The following CDKL5 variants were observed in gnomAD, a reference collection of about 807,000 sequenced individuals.
CDKL5 encodes the protein cyclin-dependent kinase-like 5.
CDKL5 carries 8 observed loss-of-function variants against 61.7 expected under a neutral mutation model. The ratio of observed to expected loss-of-function variants is 0.13; its 90% CI spans 0.08 to 0.23. The LOEUF (loss-of-function observed/expected upper bound fraction) is 0.23, where lower values mean the gene tolerates loss of function less well. Among genes scored for constraint, CDKL5 ranks in the 10% least tolerant of loss-of-function variants. The pLI is 1.00. For missense variants in CDKL5, 440 were observed against 734.5 expected (o/e 0.60, Z 4.63); for synonymous variants, 275 against 272.3 (o/e 1.01, Z -0.10).
chrX:18,618,012 T>C (rs1030294696), intron 15 of CDKL5, among the ~76,000 whole-genome samples: 4 of 112,244 alleles, frequency 3.6e-5, no homozygotes, highest in Non-Finnish European at 5.6e-5. Flanking sequence ...CACCGTTTCA[T>C]CCTGCATAGA....
Position 18,567,741 on chromosome X carries a change from C to T in CDKL5, c.145+3219C>T, listed in dbSNP as rs760130556. On this transcript the variant is annotated intron_variant, in intron 4 of 17. Coordinates refer to ENST00000623535, the MANE Select transcript of CDKL5 (RefSeq NM_001323289.2). ...ACAAAAAATTTTTAAAAAAATTAGC[C>T]AGGCATGGTGGTGTGTGCCTGTAAT... Among the ~76,000 whole-genome samples, 5 of 111,371 alleles carry T rather than the reference C, an allele frequency of 4.5e-5. No individual in the cohort carries two copies. In the South Asian group the frequency reaches 1.9e-3, roughly 42 times the overall value.
At chrX:18,514,939 T>C (rs1189157133) in intron 3 of CDKL5, among the ~76,000 whole-genome samples, 2 of 109,651 alleles carry the variant, frequency 1.8e-5, no homozygotes, top group African/African-American at 6.6e-5. Flanking sequence ...TCTGGGACTA[T>C]AGGCGCGCAC....
chrX:18,562,658 G>C (rs1212837269), intron 3 of CDKL5, among the ~76,000 whole-genome samples: 2 of 111,665 alleles, frequency 1.8e-5, no homozygotes, highest in African/African-American at 6.5e-5. Flanking sequence ...ATTCTTTCCA[G>C]TATCTTCTCT....
intron 1 of CDKL5, among the ~76,000 whole-genome samples, chrX:18,479,748 T>C (rs778117981): frequency 2.7e-5 from 3 of 111,978 alleles, no homozygotes; most frequent in Non-Finnish European, 3.8e-5. Context: ...GATAGATAGA[T>C]ATGTTTAGTG....
At chrX:18,644,630 C>T (rs773769605), downstream of CDKL5, 8 of 1,207,001 alleles carry the variant, frequency 6.6e-6, no homozygotes, top group Non-Finnish European at 7.8e-6. Context: ...GCACACCTGC[C>T]GAGAACATAC....
At chrX:18,436,085 T>C (rs981897128) in intron 1 of CDKL5, among the ~76,000 whole-genome samples, 1 of 112,116 alleles carries the variant, frequency 8.9e-6, no homozygotes, top group Non-Finnish European at 1.9e-5. Context: ...GTATGTTATA[T>C]GTATTATGTA....
chrX:18,647,425 C>T (rs757561051), intron 20 of CDKL5: 21 of 989,147 alleles, frequency 2.1e-5, no homozygotes, highest in East Asian at 9.3e-5. Context: ...ATCTGCTTTG[C>T]GCTTCGGAGA....
intron 3 of CDKL5, among the ~76,000 whole-genome samples, chrX:18,551,025 G>C (rs1924367196): frequency 8.9e-6 from 1 of 111,909 alleles, no homozygotes; most frequent in African/African-American, 3.2e-5. Flanking sequence ...TATAAGTATG[G>C]AGCTAGACTG....
chrX:18,496,260 C>T (rs1446439222), intron 1 of CDKL5, among the ~76,000 whole-genome samples: 1 of 111,771 alleles, frequency 8.9e-6, no homozygotes, highest in African/African-American at 3.2e-5. Flanking sequence ...TCAGTCAGTA[C>T]TTGGAGGATG....
chrX:18,636,064 A>G lies in CDKL5; in HGVS notation c.*7307A>G, dbSNP rs1263477299. On this transcript the variant is annotated 3_prime_UTR_variant, in exon 18 of 18. Transcript: ENST00000623535. ...GAGTACATGTTCAATCAGGAGGGAA[A>G]GAACTTAGCTTTTGTGATAACTTAT... is the stretch of plus-strand genomic sequence containing the variant. 9.0e-6 allele frequency: 1 copy of G among 111,716 alleles called. No homozygotes were observed. Among genetic ancestry groups the G allele is most frequent in the East Asian group, 2.8e-4 (1 of 3,574 alleles). 9.2% of individuals were successfully genotyped at this position (111,716 alleles called of 1,213,427 possible).
intron 3 of CDKL5, among the ~76,000 whole-genome samples, chrX:18,551,455 A>G (rs1344931962): frequency 9.2e-6 from 1 of 109,020 alleles, no homozygotes; most frequent in Non-Finnish European, 1.9e-5. Flanking sequence ...TTATCAATTA[A>G]GTGGTCCAAG....
chrX:18,510,389 A>G (rs1211028027), intron 2 of CDKL5, among the ~76,000 whole-genome samples: 1 of 112,187 alleles, frequency 8.9e-6, no homozygotes, highest in Non-Finnish European at 1.9e-5. Flanking sequence ...TCCTGACCTC[A>G]GGTGATCTGC....
At chrX:18,509,197 GCACACACACACACA>G (rs60516677) in intron 2 of CDKL5, among the ~76,000 whole-genome samples, 107 of 64,306 alleles carry the variant, frequency 1.7e-3, no homozygotes, top group Middle Eastern at 9.3e-3. Flanking sequence ...CTCAAAACAC[GCACACACACACACA>G]CACACACACA....
chrX:18,609,370 G>C, intron 13 of CDKL5, 95 bp from the exon 14 acceptor site: 1 of 1,192,307 alleles, frequency 8.4e-7, no homozygotes. Flanking sequence ...CTACAGCCTG[G>C]GCAATAGAGT....
chrX:18,580,580 A>G lies in CDKL5; in HGVS notation c.403+612A>G, dbSNP rs955559231. The stretch of plus-strand genomic sequence containing the variant: ...ATAAACTGTTTTGTCCTTTACTGCC[A>G]TGAAGTGGGTGGTTTATAGCAATGA... On this transcript the variant is annotated intron_variant, in intron 6 of 17. Transcript: ENST00000623535. Among the ~76,000 whole-genome samples the G allele has an allele frequency of 2.7e-5, 3 of 111,831 alleles. No individual in the cohort carries two copies. In the Admixed American group the frequency reaches 2.9e-4, roughly 11 times the overall value.
intron 9 of CDKL5, among the ~76,000 whole-genome samples, chrX:18,592,580 A>G (rs1006067741): frequency 8.9e-6 from 1 of 112,283 alleles, no homozygotes; most frequent in African/African-American, 3.2e-5. Flanking sequence ...CCTTCAGGGA[A>G]ATTGCTGCCT....
intron 1 of CDKL5, among the ~76,000 whole-genome samples, chrX:18,496,108 AT>A (rs1922161043): frequency 8.9e-6 from 1 of 112,134 alleles, no homozygotes; most frequent in Non-Finnish European, 1.9e-5. Context: ...TCTGTAAAAT[AT>A]TTTAAAGAGG....
intron 5 of CDKL5, among the ~76,000 whole-genome samples, chrX:18,578,913 G>T (rs1376969850): frequency 8.9e-6 from 1 of 112,285 alleles, no homozygotes; most frequent in Non-Finnish European, 1.9e-5. Flanking sequence ...GGTTTAATTG[G>T]ATTAAAGAAT....
At chrX:18,566,245 G>A (rs971457065) in intron 4 of CDKL5, among the ~76,000 whole-genome samples, 7 of 111,590 alleles carry the variant, frequency 6.3e-5, no homozygotes, top group Non-Finnish European at 1.3e-4. Flanking sequence ...TCCACTCCCC[G>A]GGCTCAAGTG....
Sources: gnomAD v4.1 joint callset for allele counts (sites outside exome capture counted in the v4.1 genomes callset) on GRCh38, gnomAD v4.1.1 for gene constraint, MANE v1.5 for transcripts, NCBI Gene and HGNC (gene_info 2026-07-23, HGNC 2026-07-21) for gene names.